Variants in EGFR observed in about 807,000 individuals in gnomAD.
EGFR encodes epidermal growth factor receptor.
EGFR carries 58 observed loss-of-function variants against 143.0 expected under a neutral mutation model. The ratio of observed to expected loss-of-function variants is 0.41; its 90% confidence interval spans 0.33 to 0.50. The LOEUF (loss-of-function observed/expected upper bound fraction) is 0.50. Among genes scored for constraint, EGFR ranks in the 20% least tolerant of loss-of-function variants. The pLI is 0.39. For synonymous variants in EGFR, 613 were observed against 594.4 expected (o/e 1.03, Z -0.45); for missense variants, 1,307 against 1,579.0 (o/e 0.83, Z 2.92).
chr7:55,122,223 A>C (rs1188562712), intron 1 of EGFR, among the ~76,000 whole-genome samples: 5 of 152,132 alleles, frequency 3.3e-5, no homozygotes, highest in Non-Finnish European at 7.3e-5. Context: ...GGAGCACTCT[A>C]GTCCTCCGTC....
chr7:55,106,163 C>T (rs1792117248), intron 1 of EGFR, among the ~76,000 whole-genome samples: 1 of 152,198 alleles, frequency 6.6e-6, no homozygotes, highest in Non-Finnish European at 1.5e-5. Flanking sequence ...TTCCAAAAAC[C>T]CAGCAGCAGC....
At chr7:55,173,639 T>C (rs1786459638) in intron 17 of EGFR, among the ~76,000 whole-genome samples, 1 of 152,240 alleles carries the variant, frequency 6.6e-6, no homozygotes, top group Admixed American at 6.5e-5. Flanking sequence ...GAGTTTTCAA[T>C]CCAGTTAATA....
chr7:55,177,279 T>C (rs1786641562), intron 19 of EGFR, among the ~76,000 whole-genome samples: 1 of 152,102 alleles, frequency 6.6e-6, no homozygotes, highest in Non-Finnish European at 1.5e-5. Flanking sequence ...AGGCACTTTC[T>C]GGTAAAGAAA....
Position 55,192,813 on chromosome 7 carries a change from T to C in EGFR, c.2673T>C (p.Tyr891=). Reference sequence around the variant, plus strand: ...TGGAATCAATTTTACACAGAATCTATACCCACCAGAGTGATGTCTGGAGCT... The same window carrying C: ...TGGAATCAATTTTACACAGAATCTACACCCACCAGAGTGATGTCTGGAGCT... The part of the protein sequence containing the change: ...MALESILHRI[Y]THQSDVWSYG... The change falls in exon 22 of 28, where the codon TAT becomes TAC. Residue 891 remains tyrosine, a synonymous_variant. Coordinates refer to ENST00000275493, the MANE Select transcript of EGFR (RefSeq NM_005228.5). 1 of 1,614,178 alleles carries C rather than the reference T, an allele frequency of 6.2e-7. No individual in the cohort carries two copies. Among genetic ancestry groups the C allele is most frequent in the African/African-American group, 1.3e-5 (1 of 75,048 alleles).
intron 1 of EGFR, among the ~76,000 whole-genome samples, chr7:55,122,928 C>T (rs1793296918): frequency 6.6e-6 from 1 of 152,220 alleles, no homozygotes; most frequent in Non-Finnish European, 1.5e-5. Context: ...GTCTTGTATT[C>T]AGTATATAGC....
chr7:55,148,815 T>C (rs1794895601), intron 4 of EGFR, among the ~76,000 whole-genome samples: 1 of 152,090 alleles, frequency 6.6e-6, no homozygotes, highest in Non-Finnish European at 1.5e-5. Context: ...TGGTGCTTTA[T>C]GGCTACACGT....
chr7:55,142,734 C>T (rs1250924789), intron 2 of EGFR, among the ~76,000 whole-genome samples: 1 of 152,170 alleles, frequency 6.6e-6, no homozygotes, highest in Admixed American at 6.5e-5. Flanking sequence ...CTCTTAAAAA[C>T]TTTTTTTAAA....
Position 55,171,314 on chromosome 7 carries a change from A to T in EGFR, c.1919+101A>T. On this transcript the variant is annotated intron_variant, in intron 16 of 27. Coordinates refer to ENST00000275493, the MANE Select transcript of EGFR (RefSeq NM_005228.5). ...GCATTTCTGACTGTCCTCTGTCCTGATCAAGTTTCTATGGCTCTGGGCCAG... is the reference window on the plus strand; with the variant it reads ...GCATTTCTGACTGTCCTCTGTCCTGTTCAAGTTTCTATGGCTCTGGGCCAG... The T allele has an allele frequency of 2.0e-6, 3 of 1,529,304 alleles. No homozygotes were observed. The Admixed American group carries it at 5.1e-5, about 26-fold the overall frequency. The allele number at this position is 1,529,304 out of a possible 1,614,324, so 94.7% of individuals were successfully genotyped here.
Position 55,146,626 on chromosome 7 carries a change from C to T in EGFR, c.445C>T (p.Arg149Trp), listed in dbSNP as rs774146556. The T allele has an allele frequency of 3.7e-6, 6 of 1,614,054 alleles. No homozygotes were observed. Among genetic ancestry groups the T allele is most frequent in the African/African-American group, 2.7e-5 (2 of 74,930 alleles). The stretch of plus-strand genomic sequence containing the variant: ...CGCAGAAATCCTGCATGGCGCCGTG[C>T]GGTTCAGCAACAACCCTGCCCTGTG... ...NLQEILHGAV[R>W]FSNNPALCNV... The change falls in exon 4 of 28, where the codon CGG (arginine) becomes TGG (tryptophan). Residue 149 changes from arginine to tryptophan, a missense_variant. Physicochemically the swap from Arg to Trp is moderately radical, Grantham distance 101. Coordinates refer to ENST00000275493, the MANE Select transcript of EGFR (RefSeq NM_005228.5).
intron 1 of EGFR, among the ~76,000 whole-genome samples, chr7:55,086,138 C>A (rs943537423): frequency 6.6e-6 from 1 of 152,156 alleles, no homozygotes; most frequent in African/African-American, 2.4e-5. Context: ...CTCACAATTT[C>A]TCTGCTCAAT....
chr7:55,034,156 G>A (rs565990098), intron 1 of EGFR, among the ~76,000 whole-genome samples: 3 of 152,214 alleles, frequency 2.0e-5, no homozygotes, highest in South Asian at 2.1e-4. Flanking sequence ...TGGCCCTTTC[G>A]GCAATGTTTT....
At position 55,132,899 on chromosome 7, in the gene EGFR, G is replaced by T. The variant is rs532908333; in HGVS notation, c.89-9387G>T. Reference sequence around the variant, plus strand: ...TTTGGTGCCTGGTGTGCATCTCAGAGCAGGGTGGAGTGAGCCTGGCCAAAG... The same window carrying T: ...TTTGGTGCCTGGTGTGCATCTCAGATCAGGGTGGAGTGAGCCTGGCCAAAG... On this transcript the variant is annotated intron_variant, in intron 1 of 27. Transcript: ENST00000275493. Among the ~76,000 whole-genome samples the T allele has an allele frequency of 3.3e-5, 5 of 152,338 alleles. No homozygotes were observed. The East Asian group carries it at 9.6e-4, about 29-fold the overall frequency.
Position 55,142,440 on chromosome 7 carries a change from T to C in EGFR, c.240+3T>C, listed in dbSNP as rs1329307422. ...ATTATGATCTTTCCTTCTTAAAGGTTGGTGACTTTGATTTTCCTACACAAA... is the reference window on the plus strand; with the variant it reads ...ATTATGATCTTTCCTTCTTAAAGGTCGGTGACTTTGATTTTCCTACACAAA... On this transcript the variant is annotated splice_donor_region_variant and intron_variant, in intron 2 of 27. Transcript: ENST00000275493. 1 of 1,613,912 alleles carries C rather than the reference T, an allele frequency of 6.2e-7. No homozygotes were observed. Among genetic ancestry groups the C allele is most frequent in the Admixed American group, 1.7e-5 (1 of 60,016 alleles).
chr7:55,202,124 C>T (rs1358153707), intron 26 of EGFR, among the ~76,000 whole-genome samples: 4 of 152,152 alleles, frequency 2.6e-5, no homozygotes, highest in Admixed American at 2.6e-4. Context: ...TGGTCTAGAC[C>T]GCACTGTGCC....
At chr7:55,151,604 G>A (rs1229357645) in intron 5 of EGFR, among the ~76,000 whole-genome samples, 6 of 152,180 alleles carry the variant, frequency 3.9e-5, no homozygotes, top group African/African-American at 9.7e-5. Context: ...GGCTGGGCGC[G>A]GTGGCTCACC....
chr7:55,058,021 A>G (rs937728902), intron 1 of EGFR, among the ~76,000 whole-genome samples: 2 of 152,272 alleles, frequency 1.3e-5, no homozygotes, highest in African/African-American at 2.4e-5. Flanking sequence ...TCATATCTCA[A>G]TTAAGATGTT....
chr7:55,156,890 C>T (rs755846976), intron 10 of EGFR, 58 bp downstream of exon 10: 42 of 1,611,856 alleles, frequency 2.6e-5, no homozygotes, highest in Non-Finnish European at 3.6e-5. Flanking sequence ...AGAGAGAGAA[C>T]TTTTCGACAT....
At chr7:55,176,804 T>C (rs953512746) in intron 19 of EGFR, among the ~76,000 whole-genome samples, 1 of 147,782 alleles carries the variant, frequency 6.8e-6, no homozygotes, top group Non-Finnish European at 1.5e-5. Flanking sequence ...TATTTAGATA[T>C]ATAAATATAT....
intron 1 of EGFR, among the ~76,000 whole-genome samples, chr7:55,112,039 G>C (rs1038508722): frequency 6.6e-6 from 1 of 152,168 alleles, no homozygotes; most frequent in African/African-American, 2.4e-5. Flanking sequence ...GCGTGACTGA[G>C]GCAGACACCT....
Sources: gnomAD v4.1 joint callset for allele counts (sites outside exome capture counted in the v4.1 genomes callset) on GRCh38, gnomAD v4.1.1 for gene constraint, MANE v1.5 for transcripts, NCBI Gene and HGNC (gene_info 2026-07-23, HGNC 2026-07-21) for gene names.